Variants in CRMP1 observed in about 807,000 individuals in gnomAD.
The protein encoded by CRMP1 is collapsin response mediator protein 1, also known as dihydropyrimidinase-related protein 1.
In CRMP1, 19 loss-of-function variants were observed where a neutral mutation model predicts 68.3. That is an observed-to-expected ratio of 0.28 (90% CI 0.19 to 0.41). CRMP1 has a LOEUF of 0.41. Among genes scored for constraint, CRMP1 ranks in the 10% least tolerant of loss-of-function variants. CRMP1 has a pLI of 1.00. For missense variants in CRMP1, 791 were observed against 967.4 expected (o/e 0.82, Z 2.42); for synonymous variants, 439 against 399.6 (o/e 1.10, Z -1.18).
In CRMP1 at chr4:5,850,960, C is replaced by T. The variant is rs1294034203; in HGVS notation, c.882+448G>A. On this transcript the variant is annotated intron_variant, in intron 5 of 13. Transcript: ENST00000324989. The surrounding 1 kb of genome is among the most constrained non-coding windows in gnomAD (Gnocchi z 4.4). Reference sequence around the variant, plus strand: ...TTACAAATGTGAGGAGATGACTTGCCCAGCATGTTGCAGTTGCTGTGAGGG... The same window carrying T: ...TTACAAATGTGAGGAGATGACTTGCTCAGCATGTTGCAGTTGCTGTGAGGG... Among the ~76,000 whole-genome samples, 2 of 152,134 alleles carry T rather than the reference C, an allele frequency of 1.3e-5. No individual in the cohort carries two copies. The highest frequency in any genetic ancestry group is 4.8e-5 in the African/African-American group (2 of 41,416).
rs752604466 is a variant in CRMP1 at position 5,835,989 on chromosome 4, C to A, written c.1549G>T (p.Val517Leu). 2 of 1,604,260 alleles carry A rather than the reference C, an allele frequency of 1.2e-6. No individual in the cohort carries two copies. Among genetic ancestry groups the A allele is most frequent in the African/African-American group, 1.3e-5 (1 of 74,494 alleles). The change falls in exon 11 of 14, where the codon GTG becomes TTG. Residue 517 changes from valine (V) to leucine (L), a missense_variant. Val to Leu is a conservative substitution (Grantham distance 32). This residue lies in a region of CRMP1 where 594 missense variants were observed against 763.6 expected (regional missense o/e 0.78). Coordinates refer to ENST00000324989, the MANE Select transcript of CRMP1 (RefSeq NM_001014809.3). ...ATGACCACGTCGGCATCCGAGCCCA[C>A]GGCAATCCGCCCTTTCCTTGGGTAC... ...NLYPRKGRIAVGSDADVVIWD... is the reference protein window; with the variant it reads ...NLYPRKGRIALGSDADVVIWD...
intron 9 of CRMP1, among the ~76,000 whole-genome samples, chr4:5,839,051 T>C (rs1720913991): frequency 6.6e-6 from 1 of 152,254 alleles, no homozygotes; most frequent in Non-Finnish European, 1.5e-5. Flanking sequence ...GCAAGTGTGC[T>C]GCAGGCAGCA....
chr4:5,841,216 TGTCTGAGTTC>T lies in CRMP1; in HGVS notation c.1153+82_1153+91del. 1 of 1,597,386 alleles carries T rather than the reference TGTCTGAGTTC, an allele frequency of 6.3e-7. No individual in the cohort carries two copies. Among genetic ancestry groups the T allele is most frequent in the Non-Finnish European group, 8.6e-7 (1 of 1,166,666 alleles). On this transcript the variant is annotated intron_variant, in intron 8 of 13. Transcript: ENST00000324989. The surrounding 1 kb of genome is among the most constrained non-coding windows in gnomAD (Gnocchi z 6.9). ...TCCACCCCTCCCTCCTCCGGCTGCC[TGTCTGAGTTC>T]GGGAGGGAGTGAACTTGAACCTGCA...
In CRMP1 at chr4:5,888,108, G is replaced by A. The variant is rs1715730671; in HGVS notation, c.381+4481C>T. 8.7e-7 allele frequency: 1 copy of A among 1,147,968 alleles called. No individual in the cohort carries two copies. The allele number at this position is 1,147,968 out of a possible 1,614,324, so 71.1% of individuals were successfully genotyped here. On this transcript the variant is annotated intron_variant, in intron 1 of 13. Transcript: ENST00000324989. This position sits in a 1 kb window ranked among gnomAD's most constrained non-coding sequence, Gnocchi z 6.4. ...CCGAGACCGGCCCCGCCCCACCCGCGGCGACGCAGGAGGCCTCGGGGGGCG... is the reference window on the plus strand; with the variant it reads ...CCGAGACCGGCCCCGCCCCACCCGCAGCGACGCAGGAGGCCTCGGGGGGCG...
Position 5,854,457 on chromosome 4 carries a change from C to T in CRMP1, c.820+1686G>A, listed in dbSNP as rs1712898643. Among the ~76,000 whole-genome samples, 1 of 138,236 alleles carries T rather than the reference C, an allele frequency of 7.2e-6. No homozygotes were observed. Among genetic ancestry groups the T allele is most frequent in the Admixed American group, 7.6e-5 (1 of 13,118 alleles). The allele number at this position is 138,236 out of a possible 152,430, so 90.7% of individuals were successfully genotyped here. Reference sequence around the variant, plus strand: ...TCGTGGTCTCACTATGTTGCCCAGGCTGGTCTCAAACTCCAGGCCTCAAGC... The same window carrying T: ...TCGTGGTCTCACTATGTTGCCCAGGTTGGTCTCAAACTCCAGGCCTCAAGC... On this transcript the variant is annotated intron_variant, in intron 4 of 13. Coordinates refer to ENST00000324989, the MANE Select transcript of CRMP1 (RefSeq NM_001014809.3). This position sits in a 1 kb window ranked among gnomAD's most constrained non-coding sequence, Gnocchi z 4.0.
Position 5,856,142 on chromosome 4 carries a change from C to T in CRMP1, c.820+1G>A. ...AACCCCGTTCCGAGGCTTTAACTGA[C>T]CTTTGTCCTGCACCAGCACCTCCAG... On this transcript the variant is annotated splice_donor_variant, in intron 4 of 13. Transcript: ENST00000324989. LOFTEE classifies it high-confidence loss of function. The T allele has an allele frequency of 1.2e-6, 2 of 1,613,824 alleles. No homozygotes were observed. The highest frequency in any genetic ancestry group is 1.7e-6 in the Non-Finnish European group (2 of 1,179,844).
At chr4:5,868,282 TATATATATATATATATATATAC>T (rs1358677139) in intron 1 of CRMP1, among the ~76,000 whole-genome samples, 2 of 92,138 alleles carry the variant, frequency 2.2e-5, no homozygotes, top group African/African-American at 9.0e-5. Flanking sequence ...TATATATATA[TATATATATATATATATATATAC>T]ATAATTTTTT....
chr4:5,892,579 C>T lies in CRMP1; in HGVS notation c.381+10G>A, dbSNP rs773518530. On this transcript the variant is annotated intron_variant, in intron 1 of 13. Transcript: ENST00000324989. The surrounding 1 kb of genome is among the most constrained non-coding windows in gnomAD (Gnocchi z 8.6). ...CCCCCTCGTCTGGCCCGCGCGCGCC[C>T]CGAGGGTACCTGGCCATTGTCCCGG... 674 of 1,177,452 alleles carry T rather than the reference C, an allele frequency of 5.7e-4. No homozygotes were observed. The highest frequency in any genetic ancestry group is 6.8e-4 in the Non-Finnish European group (645 of 952,746). 72.9% of individuals were successfully genotyped at this position (1,177,452 alleles called of 1,614,324 possible). A position where few individuals can be genotyped will look rare whatever the true frequency, so the allele number is the denominator to read the frequency against.
chr4:5,844,751 C>G (rs1712054804), intron 6 of CRMP1, among the ~76,000 whole-genome samples: 4 of 152,218 alleles, frequency 2.6e-5, no homozygotes, highest in Admixed American at 2.6e-4. Flanking sequence ...CTCTCTCACA[C>G]TGGTGCAGGG....
chr4:5,827,893 G>T, intron 12 of CRMP1: 1 of 373,514 alleles, frequency 2.7e-6, no homozygotes, highest in Non-Finnish European at 3.7e-6. Flanking sequence ...CCTCTGAGTT[G>T]CTCTAAAGTT....
Position 5,843,070 on chromosome 4 carries a change from T to C in CRMP1, c.1032+23A>G, listed in dbSNP as rs770082207. The C allele has an allele frequency of 8.7e-6, 14 of 1,612,182 alleles. No individual in the cohort carries two copies. In the East Asian group the frequency reaches 2.7e-4, roughly 31 times the overall value. On this transcript the variant is annotated intron_variant, in intron 7 of 13. Coordinates refer to ENST00000324989, the MANE Select transcript of CRMP1 (RefSeq NM_001014809.3). The surrounding 1 kb of genome is among the most constrained non-coding windows in gnomAD (Gnocchi z 4.1). ...TGCTCAGTGGTGAGTGTCAGAGTCATGCCCAAGTTGAGGAGTCCTTACCTC... is the reference window on the plus strand; with the variant it reads ...TGCTCAGTGGTGAGTGTCAGAGTCACGCCCAAGTTGAGGAGTCCTTACCTC...
Position 5,874,796 on chromosome 4 carries a change from G to T in CRMP1, c.382-8040C>A, listed in dbSNP as rs573438549. ...AGAAGAGAGAAACAAAGGGAGAAAA[G>T]AATACATGGACACATAATAAATCTC... is the stretch of plus-strand genomic sequence containing the variant. On this transcript the variant is annotated intron_variant, in intron 1 of 13. Transcript: ENST00000324989. 5.9e-5 allele frequency among the ~76,000 whole-genome samples: 9 copies of T among 152,298 alleles called. No individual in the cohort carries two copies. In the South Asian group the frequency reaches 1.7e-3, roughly 28 times the overall value.
Position 5,825,403 on chromosome 4 carries a change from A to G in CRMP1, c.1969+91T>C. 5.4e-6 allele frequency: 8 copies of G among 1,487,248 alleles called. No homozygotes were observed. The highest frequency in any genetic ancestry group is 5.3e-6 in the Non-Finnish European group (6 of 1,125,706). 92.1% of individuals were successfully genotyped at this position (1,487,248 alleles called of 1,614,324 possible). On this transcript the variant is annotated intron_variant, in intron 13 of 13. Transcript: ENST00000324989. The surrounding 1 kb of genome is among the most constrained non-coding windows in gnomAD (Gnocchi z 4.4). ...TCCCTGCTTCTTCATCTAGTGTCCAAGGCCACGTGTCCATTTCCTCAGAAG... is the reference window on the plus strand; with the variant it reads ...TCCCTGCTTCTTCATCTAGTGTCCAGGGCCACGTGTCCATTTCCTCAGAAG...
intron 12 of CRMP1, among the ~76,000 whole-genome samples, chr4:5,827,253 T>TGCCTCTTCAGTGGGTGTCC (rs1719783521): frequency 6.6e-6 from 1 of 152,246 alleles, no homozygotes; most frequent in African/African-American, 2.4e-5. Context: ...GGGGTGTGTC[T>TGCCTCTTCAGTGGGTGTCC]GCCTCTTCAG....
intron 13 of CRMP1, chr4:5,824,364 A>G (rs1237275568): frequency 1.0e-6 from 1 of 985,420 alleles, no homozygotes; most frequent in African/African-American, 1.7e-5. Flanking sequence ...AGTCTTATGG[A>G]GAGTGAGATG....
In CRMP1 at chr4:5,867,614, G is replaced by C. The variant is rs189981131; in HGVS notation, c.382-858C>G. ...GATCAGCTACCGACTGATGCTCTCA[G>C]CTCCAGAGGGGACCAGGCACAGAGC... is the stretch of plus-strand genomic sequence containing the variant. On this transcript the variant is annotated intron_variant, in intron 1 of 13. Transcript: ENST00000324989. Among the ~76,000 whole-genome samples the C allele has an allele frequency of 2.0e-3, 311 of 152,224 alleles. 1 individual carries two copies. Among genetic ancestry groups the C allele is most frequent in the African/African-American group, 7.1e-3 (296 of 41,532 alleles).
Position 5,883,217 on chromosome 4 carries a change from C to CCG in CRMP1, c.381+9370_381+9371dup, listed in dbSNP as rs1715323573. The stretch of plus-strand genomic sequence containing the variant: ...ATTCCTCTGACACCTGTGCCCTGTT[C>CCG]CGCAGCCTGCCTGCTTTCCTTCCTT... On this transcript the variant is annotated intron_variant, in intron 1 of 13. Coordinates refer to ENST00000324989, the MANE Select transcript of CRMP1 (RefSeq NM_001014809.3). This position sits in a 1 kb window ranked among gnomAD's most constrained non-coding sequence, Gnocchi z 4.5. Among the ~76,000 whole-genome samples the CCG allele has an allele frequency of 6.7e-6, 1 of 149,492 alleles. No homozygotes were observed. Among genetic ancestry groups the CCG allele is most frequent in the African/African-American group, 2.5e-5 (1 of 39,838 alleles).
chr4:5,872,029 C>T lies in CRMP1; in HGVS notation c.382-5273G>A, dbSNP rs1382736236. On this transcript the variant is annotated intron_variant, in intron 1 of 13. Transcript: ENST00000324989. The surrounding 1 kb of genome is among the most constrained non-coding windows in gnomAD (Gnocchi z 4.6). ...AGGATGCAGGCTAGAGCCAAGGGTT[C>T]CTAATGGCCTGTCCAGCATTCCAGC... Among the ~76,000 whole-genome samples the T allele has an allele frequency of 2.0e-5, 3 of 152,154 alleles. No homozygotes were observed. Among genetic ancestry groups the T allele is most frequent in the Non-Finnish European group, 2.9e-5 (2 of 68,026 alleles).
intron 1 of CRMP1, among the ~76,000 whole-genome samples, chr4:5,867,059 G>A (rs957973206): frequency 1.3e-5 from 2 of 151,892 alleles, no homozygotes; most frequent in African/African-American, 4.8e-5. Flanking sequence ...CCCATTTCCC[G>A]TTTGCCCCGA....
Sources: allele counts gnomAD v4.1 joint callset (sites outside exome capture counted in the v4.1 genomes callset), GRCh38; gene constraint gnomAD v4.1.1; regional missense constraint gnomAD v4.1.1; non-coding constraint Gnocchi (gnomAD v3.1); transcripts MANE v1.5; gene names NCBI Gene and HGNC (gene_info 2026-07-23, HGNC 2026-07-21).